GPD1: variants seen among roughly 807,000 people sequenced by gnomAD.
GPD1 encodes glycerol-3-phosphate dehydrogenase 1.
GPD1 carries 19 observed loss-of-function variants against 34.4 expected under a neutral mutation model. That is an observed-to-expected ratio of 0.55 (90% CI 0.39 to 0.81). The LOEUF (loss-of-function observed/expected upper bound fraction) is 0.81, where lower values mean the gene tolerates loss of function less well. Ranked by LOEUF, GPD1 falls within the 30% of genes least tolerant of loss-of-function variation. The pLI is 0.00. For synonymous variants in GPD1, 172 were observed against 174.1 expected (o/e 0.99, Z 0.09); for missense variants, 429 against 447.0 (o/e 0.96, Z 0.36).
intron 1 of GPD1, 74 bp downstream of exon 1, chr12:50,104,165 G>A: frequency 7.3e-7 from 1 of 1,363,716 alleles, no homozygotes; most frequent in East Asian, 2.3e-5. Flanking sequence ...GGCAGAATGG[G>A]TGGGAAAGGC....
At chr12:50,107,302 AATGGAATGGTCATAG>A (rs1950986390) in intron 5 of GPD1, 3 of 666,166 alleles carry the variant, frequency 4.5e-6, no homozygotes, top group East Asian at 6.0e-5. Flanking sequence ...AGGGCTGTAC[AATGGAATGGTCATAG>A]ATGGGAAGAT....
chr12:50,104,393 T>C (rs1305598802), intron 1 of GPD1, 181 bp from the exon 2 acceptor site: 1 of 713,584 alleles, frequency 1.4e-6, no homozygotes, highest in African/African-American at 1.7e-5. Flanking sequence ...GTGAGGAGAC[T>C]GAGTCTCCTT....
At chr12:50,107,866 G>A (rs767693385) in intron 6 of GPD1, 66 bp downstream of exon 6, 19 of 1,220,210 alleles carry the variant, frequency 1.6e-5, no homozygotes, top group Admixed American at 6.8e-5. Context: ...GGTGCTTGGC[G>A]GGAGGCATCT....
Position 50,107,729 on chromosome 12 carries a change from G to C in GPD1, c.775G>C (p.Ala259Pro), listed in dbSNP as rs1950991740. ...SATFLESCGV[A>P]DLITTCYGGR... ...CACCTTCTTGGAGAGCTGTGGTGTT[G>C]CTGACCTGATCACTACCTGCTATGG... The change falls in exon 6 of 8, where the codon GCT (alanine) becomes CCT (proline). Residue 259 changes from alanine to proline, a missense_variant. Ala to Pro is a conservative substitution (Grantham distance 27). Coordinates refer to ENST00000301149, the MANE Select transcript of GPD1 (RefSeq NM_005276.4). 6.2e-7 allele frequency: 1 copy of C among 1,614,110 alleles called. No individual in the cohort carries two copies.
At chr12:50,105,783 G>A (rs775130106) in intron 3 of GPD1, 95 bp downstream of exon 3, 448 of 1,270,728 alleles carry the variant, frequency 3.5e-4, no homozygotes, top group Non-Finnish European at 4.8e-4. Flanking sequence ...AATGGCAGAC[G>A]CAGGCCAAGA....
chr12:50,107,977 CA>C, intron 6 of GPD1, 46 bp from the exon 7 acceptor site: 1 of 1,280,976 alleles, frequency 7.8e-7, no homozygotes, highest in Non-Finnish European at 1.1e-6. Flanking sequence ...CCCCTACTGA[CA>C]ACCCTTCTCT....
chr12:50,108,633 A>C (rs1481896275), intron 7 of GPD1, among the ~76,000 whole-genome samples: 2 of 152,218 alleles, frequency 1.3e-5, no homozygotes, highest in Non-Finnish European at 2.9e-5. Context: ...AGAAGAAGAC[A>C]GTATGAAACA....
At chr12:50,104,298 G>A (rs538047506) in intron 1 of GPD1, 42 of 698,042 alleles carry the variant, frequency 6.0e-5, no homozygotes, top group African/African-American at 3.9e-4. Context: ...ATGGGAAGGC[G>A]TCTCCAGAGC....
At chr12:50,109,369 GTAGAGT>G (rs1951005814) in intron 7 of GPD1, 48 bp from the exon 8 acceptor site, 1 of 893,240 alleles carries the variant, frequency 1.1e-6, no homozygotes. Flanking sequence ...GGGGGTGGGG[GTAGAGT>G]GGACCAGGAG....
chr12:50,109,362 G>GGT (rs1951005712), intron 7 of GPD1, 61 bp from the exon 8 acceptor site: 1 of 852,874 alleles, frequency 1.2e-6, no homozygotes, highest in Non-Finnish European at 2.0e-6. Context: ...AGTGAGTGGG[G>GGT]GTGGGGGTAG....
intron 5 of GPD1, 149 bp from the exon 6 acceptor site, chr12:50,107,418 C>A (rs1330646966): frequency 5.3e-6 from 4 of 760,206 alleles, no homozygotes; most frequent in Non-Finnish European, 9.5e-6. Context: ...AGGGGGGAAA[C>A]CAAGAGGCGG....
Position 50,107,557 on chromosome 12 carries a change from C to A in GPD1, c.613-10C>A. 1 of 1,608,680 alleles carries A rather than the reference C, an allele frequency of 6.2e-7. No individual in the cohort carries two copies. The highest frequency in any genetic ancestry group is 1.1e-5 in the South Asian group (1 of 90,982). On this transcript the variant is annotated splice_polypyrimidine_tract_variant and intron_variant, in intron 5 of 7. Coordinates refer to ENST00000301149, the MANE Select transcript of GPD1 (RefSeq NM_005276.4). ...GGTCTTTTCTCACCTATGACCTCCA[C>A]TCCTTCAAGAATGTAGTGGCCGTGG...
chr12:50,107,339 A>C, intron 5 of GPD1: 1 of 686,944 alleles, frequency 1.5e-6, no homozygotes, highest in South Asian at 1.5e-5. Flanking sequence ...AACTAGAGAG[A>C]AGAGTGGTTT....
chr12:50,111,249 A>C lies in GPD1; in HGVS notation c.*1730A>C, dbSNP rs1307246863. On this transcript the variant is annotated 3_prime_UTR_variant, in exon 8 of 8. Transcript: ENST00000301149. This position sits in a 1 kb window ranked among gnomAD's most constrained non-coding sequence, Gnocchi z 4.1. ...CCTACTTTTGTTCACTCCCCAGTGC[A>C]CTGTGACTCAGGCCTTCCCATCAGG... 6.6e-6 allele frequency: 1 copy of C among 152,212 alleles called. No individual in the cohort carries two copies. Among genetic ancestry groups the C allele is most frequent in the Non-Finnish European group, 1.5e-5 (1 of 68,046 alleles). 9.4% of individuals were successfully genotyped at this position (152,212 alleles called of 1,614,324 possible).
Position 50,109,492 on chromosome 12 carries a change from C to G in GPD1, c.1023C>G (p.Cys341Trp). Reference protein sequence around the residue: ...EGQPVGEFIHCLQNHPEHM With the variant: ...EGQPVGEFIHWLQNHPEHM ...AGCCAGTGGGTGAATTCATCCACTG[C>G]CTGCAGAATCATCCAGAACATATGT... Residue 341 changes from cysteine to tryptophan, a missense_variant, in exon 8 of 8, where the codon TGC becomes TGG. Cys to Trp is a radical substitution (Grantham distance 215). Coordinates refer to ENST00000301149, the MANE Select transcript of GPD1 (RefSeq NM_005276.4). 1 of 1,566,176 alleles carries G rather than the reference C, an allele frequency of 6.4e-7. No homozygotes were observed. The highest frequency in any genetic ancestry group is 8.8e-7 in the Non-Finnish European group (1 of 1,135,934).
At position 50,105,587 on chromosome 12, in the gene GPD1, G is replaced by T. The variant is rs1203823460; in HGVS notation, c.259G>T (p.Asp87Tyr). The T allele has an allele frequency of 6.2e-7, 1 of 1,614,022 alleles. No homozygotes were observed. ...PDVVQAAEDA[D>Y]ILIFVVPHQF... ...TGTGGTCCAGGCTGCAGAGGATGCT[G>T]ACATCCTGATCTTTGTGGTGCCCCA... Residue 87 changes from aspartate to tyrosine, a missense_variant, in exon 3 of 8, where the codon GAC (aspartate) becomes TAC (tyrosine). Asp to Tyr is a radical substitution (Grantham distance 160, BLOSUM62 -3). Coordinates refer to ENST00000301149, the MANE Select transcript of GPD1 (RefSeq NM_005276.4).
Position 50,107,572 on chromosome 12 carries a change from A to G in GPD1, c.618A>G (p.Val206=), listed in dbSNP as rs201859227. The G allele has an allele frequency of 2.2e-5, 35 of 1,613,202 alleles. No homozygotes were observed. Among genetic ancestry groups the G allele is most frequent in the Non-Finnish European group, 2.8e-5 (33 of 1,179,358 alleles). ...ATGACCTCCACTCCTTCAAGAATGT[A>G]GTGGCCGTGGGGGCTGGCTTCTGTG... ...TVEICGALKN[V]VAVGAGFCDG... The change falls in exon 6 of 8, where the codon GTA becomes GTG. Residue 206 remains valine, a synonymous_variant. Transcript: ENST00000301149.
chr12:50,107,822 A>G (rs1189907115), intron 6 of GPD1, 22 bp downstream of exon 6: 3 of 1,551,116 alleles, frequency 1.9e-6, no homozygotes, highest in Non-Finnish European at 2.7e-6. Context: ...GAGAAGGGAG[A>G]ACAGAGGGGC....
rs1951019512 is a variant in GPD1 at position 50,111,117 on chromosome 12, GC to G, written c.*1599del. On this transcript the variant is annotated 3_prime_UTR_variant, in exon 8 of 8. Coordinates refer to ENST00000301149, the MANE Select transcript of GPD1 (RefSeq NM_005276.4). The surrounding 1 kb of genome is among the most constrained non-coding windows in gnomAD (Gnocchi z 4.1). ...CCAGATCAGGCAGCAGGAGTGAGGG[GC>G]ACAGTCACCCCAGGCCTTGCTGAGC... is the stretch of plus-strand genomic sequence containing the variant. 1.3e-5 allele frequency: 2 copies of G among 152,380 alleles called. No homozygotes were observed. The highest frequency in any genetic ancestry group is 1.3e-4 in the Admixed American group (2 of 15,282). 9.4% of individuals were successfully genotyped at this position (152,380 alleles called of 1,614,324 possible).
Sources: gnomAD v4.1 joint callset for allele counts (sites outside exome capture counted in the v4.1 genomes callset) on GRCh38, gnomAD v4.1.1 for gene constraint, Gnocchi (gnomAD v3.1) non-coding constraint, MANE v1.5 for transcripts, NCBI Gene and HGNC (gene_info 2026-07-23, HGNC 2026-07-21) for gene names.